NAV2: variants seen among roughly 807,000 people sequenced by gnomAD.
The protein encoded by NAV2 is neuron navigator 2.
Under a neutral mutation model 223.2 loss-of-function variants are expected in NAV2, and 54 were observed. The ratio of observed to expected loss-of-function variants is 0.24; its 90% confidence interval spans 0.19 to 0.30. The LOEUF (loss-of-function observed/expected upper bound fraction) is 0.30, where lower values mean the gene tolerates loss of function less well. NAV2 is among the 10% of genes least tolerant of loss of function. NAV2 has a pLI of 1.00. For synonymous variants in NAV2, 1,279 were observed against 1,239.3 expected (o/e 1.03, Z -0.67); for missense variants, 2,806 against 3,147.5 (o/e 0.89, Z 2.60).
intron 1 of NAV2, among the ~76,000 whole-genome samples, chr11:19,430,413 C>T (rs1590190910): frequency 6.6e-6 from 1 of 152,210 alleles, no homozygotes; most frequent in East Asian, 1.9e-4. Context: ...CAGGCTGGGT[C>T]CTCTTGAGAC....
At chr11:20,039,113 A>G (rs762520546) in intron 12 of NAV2, among the ~76,000 whole-genome samples, 2 of 151,998 alleles carry the variant, frequency 1.3e-5, no homozygotes, top group African/African-American at 2.4e-5. Flanking sequence ...CTCTTGAGCA[A>G]CTCCTCCAGG....
chr11:19,759,605 G>A (rs911494631), intron 1 of NAV2, among the ~76,000 whole-genome samples: 6 of 152,186 alleles, frequency 3.9e-5, no homozygotes, highest in Non-Finnish European at 7.4e-5. Context: ...ATGGAGCGGG[G>A]CCTCTGGTGC....
In NAV2 at chr11:19,872,767, C is replaced by T. The variant is rs112382980; in HGVS notation, c.511+3770C>T. Among the ~76,000 whole-genome samples the T allele has an allele frequency of 1.7e-3, 256 of 152,336 alleles. 1 individual carries two copies. Among genetic ancestry groups the T allele is most frequent in the African/African-American group, 5.2e-3 (218 of 41,580 alleles). Reference sequence around the variant, plus strand: ...GGGAGCCTTTGTTCTAGGGCACAGACGGCGGATGCTTGGGGGCAGAGGCTG... The same window carrying T: ...GGGAGCCTTTGTTCTAGGGCACAGATGGCGGATGCTTGGGGGCAGAGGCTG... On this transcript the variant is annotated intron_variant, in intron 4 of 37. Transcript: ENST00000349880.
intron 19 of NAV2, 77 bp from the exon 20 acceptor site, chr11:20,062,230 G>T: frequency 2.9e-6 from 3 of 1,043,802 alleles, no homozygotes; most frequent in East Asian, 4.7e-5. Flanking sequence ...CTGTATTGCT[G>T]ATGTTCTCCT....
intron 2 of NAV2, among the ~76,000 whole-genome samples, chr11:19,841,438 T>G (rs1223483174): frequency 6.6e-6 from 1 of 152,184 alleles, no homozygotes; most frequent in Non-Finnish European, 1.5e-5. Context: ...TTTGGAAGTT[T>G]TAGGTATCAT....
intron 11 of NAV2, among the ~76,000 whole-genome samples, chr11:20,016,117 A>C (rs2053984516): frequency 6.6e-6 from 1 of 152,210 alleles, no homozygotes; most frequent in Non-Finnish European, 1.5e-5. Context: ...AAAGCTTATA[A>C]AGTTTAATTA....
At chr11:19,577,529 G>C (rs990326861) in intron 1 of NAV2, among the ~76,000 whole-genome samples, 3 of 152,234 alleles carry the variant, frequency 2.0e-5, no homozygotes, top group African/African-American at 7.2e-5. Context: ...TTCTCCCTCT[G>C]TGTCCTTCAC....
At chr11:20,010,285 G>T (rs1190647719) in intron 11 of NAV2, among the ~76,000 whole-genome samples, 1 of 152,166 alleles carries the variant, frequency 6.6e-6, no homozygotes, top group East Asian at 1.9e-4. Context: ...GGGGGAAAAT[G>T]GAATTGGTTT....
At chr11:20,102,046 C>G (rs2061677023) in intron 32 of NAV2, among the ~76,000 whole-genome samples, 1 of 152,172 alleles carries the variant, frequency 6.6e-6, no homozygotes, top group Non-Finnish European at 1.5e-5. Context: ...TCTGCACCAT[C>G]TACAAGTTCC....
At chr11:19,422,732 C>A (rs1035513575) in intron 1 of NAV2, among the ~76,000 whole-genome samples, 4 of 152,234 alleles carry the variant, frequency 2.6e-5, no homozygotes, top group African/African-American at 9.6e-5. Context: ...CAGATAGTTA[C>A]AGTGCCTGTG....
intron 1 of NAV2, among the ~76,000 whole-genome samples, chr11:19,627,783 G>C (rs1730285317): frequency 6.6e-6 from 1 of 151,950 alleles, no homozygotes; most frequent in Non-Finnish European, 1.5e-5. Flanking sequence ...TGGGAGGGTT[G>C]GGCCCCGCCT....
intron 1 of NAV2, among the ~76,000 whole-genome samples, chr11:19,637,599 G>A (rs1023037574): frequency 6.6e-6 from 1 of 152,218 alleles, no homozygotes; most frequent in Non-Finnish European, 1.5e-5. Flanking sequence ...TCTGCTTCTG[G>A]GGAGGCCTCA....
chr11:19,935,481 C>T (rs2045764578), intron 7 of NAV2, among the ~76,000 whole-genome samples: 1 of 152,180 alleles, frequency 6.6e-6, no homozygotes, highest in Non-Finnish European at 1.5e-5. Flanking sequence ...TAGGTGCATG[C>T]CCAGACTTTC....
chr11:19,579,027 A>G (rs1456898579), intron 1 of NAV2, among the ~76,000 whole-genome samples: 7 of 152,188 alleles, frequency 4.6e-5, no homozygotes, highest in African/African-American at 1.7e-4. Flanking sequence ...GATCAGTGCA[A>G]TGTGTACAAG....
chr11:19,531,013 T>C (rs1023407229), intron 1 of NAV2, among the ~76,000 whole-genome samples: 2 of 152,278 alleles, frequency 1.3e-5, no homozygotes, highest in African/African-American at 4.8e-5. Context: ...TATTTATTTA[T>C]TAAATATCGG....
chr11:19,926,252 T>C (rs1314328765), intron 6 of NAV2, among the ~76,000 whole-genome samples: 1 of 152,244 alleles, frequency 6.6e-6, no homozygotes. Flanking sequence ...TATGGAATTA[T>C]AGACACAATA....
chr11:19,620,428 T>G (rs906091325), intron 1 of NAV2, among the ~76,000 whole-genome samples: 2 of 152,206 alleles, frequency 1.3e-5, no homozygotes, highest in African/African-American at 4.8e-5. Context: ...TGTCCTCTTT[T>G]ATTTCATTGA....
chr11:19,866,509 TA>T (rs1222833115), intron 3 of NAV2, among the ~76,000 whole-genome samples: 6 of 152,160 alleles, frequency 3.9e-5, no homozygotes, highest in Admixed American at 2.0e-4. Flanking sequence ...AATCGGACAT[TA>T]AAAGAAAGTC....
chr11:19,907,432 A>G (rs755197823), intron 6 of NAV2, among the ~76,000 whole-genome samples: 2 of 152,212 alleles, frequency 1.3e-5, no homozygotes, highest in African/African-American at 2.4e-5. Flanking sequence ...CACACTTGAC[A>G]TAGTTTGGTA....
Sources: allele counts gnomAD v4.1 joint callset (sites outside exome capture counted in the v4.1 genomes callset), GRCh38; gene constraint gnomAD v4.1.1; transcripts MANE v1.5; gene names NCBI Gene and HGNC (gene_info 2026-07-23, HGNC 2026-07-21).